The following DTWD2 variants were observed in gnomAD, a reference collection of about 807,000 sequenced individuals.
DTWD2 encodes the protein DTW motif tRNA-uridine aminocarboxypropyltransferase 2.
DTWD2 carries 39 observed loss-of-function variants against 31.8 expected under a neutral mutation model. The ratio of observed to expected loss-of-function variants is 1.22; its 90% CI spans 0.95 to 1.60. The LOEUF (loss-of-function observed/expected upper bound fraction) is 1.60. DTWD2 is among the 40% of genes most tolerant of loss of function. DTWD2 has a pLI of 0.00. For synonymous variants in DTWD2, 180 were observed against 142.8 expected, an observed-to-expected ratio of 1.26 and a Z score of -1.86; for missense variants, 515 against 381.5, an observed-to-expected ratio of 1.35 and a Z score of -2.92.
At chr5:118,985,143 C>A (rs1716400050) in intron 1 of DTWD2, among the ~76,000 whole-genome samples, 1 of 152,080 alleles carries the variant, frequency 6.6e-6, no homozygotes, top group African/African-American at 2.4e-5. Flanking sequence ...CCTCCCTTCT[C>A]CCAAACTCCC....
At chr5:118,858,286 G>A (rs908246394) in intron 4 of DTWD2, among the ~76,000 whole-genome samples, 3 of 152,134 alleles carry the variant, frequency 2.0e-5, no homozygotes, top group Non-Finnish European at 1.5e-5. Flanking sequence ...GGTACTCAAT[G>A]GAATTTAAGG....
intron 4 of DTWD2, among the ~76,000 whole-genome samples, chr5:118,893,208 C>G (rs943802373): frequency 1.3e-5 from 2 of 151,914 alleles, no homozygotes; most frequent in African/African-American, 4.8e-5. Context: ...AACCCTGTCT[C>G]TACTAAAAAT....
rs1374040612 is a variant in DTWD2, at chr5:118,954,107, C to T, written c.219-9458G>A. Among the ~76,000 whole-genome samples, 3 of 152,228 alleles carry T rather than the reference C, an allele frequency of 2.0e-5. No homozygotes were observed. The East Asian group carries it at 5.8e-4, about 29-fold the overall frequency. On this transcript the variant is annotated intron_variant, in intron 1 of 5. Coordinates refer to ENST00000510708, the MANE Select transcript of DTWD2 (RefSeq NM_173666.4). ...GAAACATAGCAAGACCTCATCTCTA[C>T]TAAAAATTTAAAAATTAGCCAGACA...
intron 1 of DTWD2, among the ~76,000 whole-genome samples, chr5:118,956,904 C>T (rs1206627062): frequency 6.7e-6 from 1 of 149,088 alleles, no homozygotes; most frequent in African/African-American, 2.6e-5. Context: ...TTAAAACTGG[C>T]TTTGGAAAAC....
chr5:118,954,955 T>C (rs1180974888), intron 1 of DTWD2, among the ~76,000 whole-genome samples: 2 of 152,182 alleles, frequency 1.3e-5, no homozygotes, highest in Non-Finnish European at 2.9e-5. Flanking sequence ...TCTCTGGTAC[T>C]TAAGTAATTC....
intron 4 of DTWD2, among the ~76,000 whole-genome samples, chr5:118,927,140 T>C (rs542920541): frequency 6.6e-6 from 1 of 152,168 alleles, no homozygotes; most frequent in Admixed American, 6.5e-5. Context: ...TCATGTCTCT[T>C]CTTCTAAAGG....
rs564165809 is a variant in DTWD2, at chr5:118,858,458, G to A, written c.598-10240C>T. The stretch of plus-strand genomic sequence containing the variant: ...GGAGAAAAGTGTGATTGTCTTTTCG[G>A]TGTCTGTTTTAGAATAGCATGTGAG... On this transcript the variant is annotated intron_variant, in intron 4 of 5. Coordinates refer to ENST00000510708, the MANE Select transcript of DTWD2 (RefSeq NM_173666.4). 1.1e-4 allele frequency among the ~76,000 whole-genome samples: 16 copies of A among 152,276 alleles called. 1 individual carries two copies. Among genetic ancestry groups the A allele is most frequent in the African/African-American group, 3.1e-4 (13 of 41,564 alleles).
chr5:118,865,883 G>A (rs76480428), intron 4 of DTWD2, among the ~76,000 whole-genome samples: 1,994 of 152,046 alleles, frequency 0.013, 42 homozygotes, highest in African/African-American at 0.045. Flanking sequence ...CTTAAGCAAC[G>A]ACCTTACCTC....
chr5:118,840,955 T>C lies in DTWD2; in HGVS notation c.859A>G (p.Arg287Gly). 6.2e-7 allele frequency: 1 copy of C among 1,613,740 alleles called. No homozygotes were observed. Among genetic ancestry groups the C allele is most frequent in the Non-Finnish European group, 8.5e-7 (1 of 1,179,768 alleles). ...CTATTCATTAACAATTCCATTTTCCTGAGTTTGCGTTTGTTCTTTGGCATT... is the reference window on the plus strand; with the variant it reads ...CTATTCATTAACAATTCCATTTTCCCGAGTTTGCGTTTGTTCTTTGGCATT... The part of the protein sequence containing the change: ...KPMPKNKRKL[R>G]KMELLMNSVK... The change falls in exon 6 of 6, where the codon AGG (arginine) becomes GGG (glycine). Residue 287 changes from arginine (R) to glycine (G), a missense_variant. Transcript: ENST00000510708.
At chr5:118,930,341 G>A (rs1336367130) in intron 3 of DTWD2, among the ~76,000 whole-genome samples, 2 of 152,018 alleles carry the variant, frequency 1.3e-5, no homozygotes, top group Non-Finnish European at 1.5e-5. Context: ...AAAACAAAAT[G>A]CTATTAAGGG....
intron 4 of DTWD2, among the ~76,000 whole-genome samples, chr5:118,867,341 ACT>A (rs1752401088): frequency 6.6e-6 from 1 of 152,002 alleles, no homozygotes; most frequent in South Asian, 2.1e-4. Context: ...ACTCCAAAAG[ACT>A]CTAAAGAATT....
chr5:118,939,123 T>C, intron 3 of DTWD2, 73 bp downstream of exon 3: 1 of 1,410,010 alleles, frequency 7.1e-7, no homozygotes, highest in Admixed American at 2.4e-5. Flanking sequence ...CTGAAAGAAA[T>C]AAGCTGAAAG....
intron 1 of DTWD2, among the ~76,000 whole-genome samples, chr5:118,967,343 G>C (rs773778164): frequency 6.6e-6 from 1 of 152,156 alleles, no homozygotes; most frequent in Non-Finnish European, 1.5e-5. Flanking sequence ...AGAAATCCTA[G>C]ATCTGTCCAC....
At chr5:118,880,059 A>G (rs1752708210) in intron 4 of DTWD2, among the ~76,000 whole-genome samples, 1 of 152,252 alleles carries the variant, frequency 6.6e-6, no homozygotes, top group African/African-American at 2.4e-5. Context: ...ACACAGAAAG[A>G]TAACTACAAA....
intron 1 of DTWD2, among the ~76,000 whole-genome samples, chr5:118,960,890 C>T (rs1754690369): frequency 6.6e-6 from 1 of 151,808 alleles, no homozygotes; most frequent in African/African-American, 2.4e-5. Flanking sequence ...ACATGGATGC[C>T]AAGAAGGAAA....
intron 1 of DTWD2, among the ~76,000 whole-genome samples, chr5:118,945,774 AAAAGAAAGAAAGAAAGAAAG>A (rs56103316): frequency 1.2e-4 from 16 of 134,260 alleles, no homozygotes; most frequent in African/African-American, 2.9e-4. Flanking sequence ...CAAAAAAAAA[AAAAGAAAGAAAGAAAGAAAG>A]AAAGAAAGAA....
intron 4 of DTWD2, among the ~76,000 whole-genome samples, chr5:118,872,348 C>T (rs1475862603): frequency 6.6e-6 from 1 of 152,110 alleles, no homozygotes; most frequent in Non-Finnish European, 1.5e-5. Flanking sequence ...TACAAGAGGC[C>T]TAGTTTTCAG....
chr5:118,946,883 G>C (rs543488228), intron 1 of DTWD2, among the ~76,000 whole-genome samples: 1 of 152,140 alleles, frequency 6.6e-6, no homozygotes, highest in Non-Finnish European at 1.5e-5. Context: ...TGAGATTACA[G>C]GCACACATCA....
chr5:118,879,816 G>T lies in DTWD2; in HGVS notation c.598-31598C>A, dbSNP rs183268676. On this transcript the variant is annotated intron_variant, in intron 4 of 5. Transcript: ENST00000510708. The stretch of plus-strand genomic sequence containing the variant: ...GGGGCCTACTGGAGGGTAGAGAGTG[G>T]GAGGAGGGAGAAGATCAGGAAAAAT... 1.6e-3 allele frequency among the ~76,000 whole-genome samples: 240 copies of T among 152,180 alleles called. 3 individuals carry two copies. Among genetic ancestry groups the T allele is most frequent in the African/African-American group, 5.3e-3 (222 of 41,518 alleles).
Sources: allele counts gnomAD v4.1 joint callset (sites outside exome capture counted in the v4.1 genomes callset), GRCh38; gene constraint gnomAD v4.1.1; transcripts MANE v1.5; gene names NCBI Gene and HGNC (gene_info 2026-07-23, HGNC 2026-07-21).